ECHDC1: variants seen among roughly 807,000 people sequenced by gnomAD.
ECHDC1 encodes ethylmalonyl-CoA decarboxylase 1.
Under a neutral mutation model 29.7 loss-of-function variants are expected in ECHDC1, and 29 were observed. That is an observed-to-expected ratio of 0.98 (90% CI 0.73 to 1.33). The LOEUF is 1.33. ECHDC1 is among the 40% of genes most tolerant of loss of function. The pLI is 0.00. For synonymous variants in ECHDC1, 126 were observed against 123.1 expected, an observed-to-expected ratio of 1.02 and a Z score of -0.15; for missense variants, 328 against 350.0, an observed-to-expected ratio of 0.94 and a Z score of 0.50.
At chr6:127,336,771 T>C (rs1035670269) in intron 1 of ECHDC1, among the ~76,000 whole-genome samples, 1 of 152,154 alleles carries the variant, frequency 6.6e-6, no homozygotes, top group Non-Finnish European at 1.5e-5. Flanking sequence ...ACAAATAAAA[T>C]GTTACCAATT....
At chr6:127,309,564 A>G (rs1386442780) in intron 5 of ECHDC1, among the ~76,000 whole-genome samples, 1 of 151,710 alleles carries the variant, frequency 6.6e-6, no homozygotes, top group African/African-American at 2.4e-5. Context: ...AGACAAATTT[A>G]AGACCTCAAA....
chr6:127,292,134 A>G (rs767567690), intron 5 of ECHDC1, among the ~76,000 whole-genome samples: 19 of 152,214 alleles, frequency 1.2e-4, no homozygotes, highest in Non-Finnish European at 2.6e-4. Context: ...TCTGAATTGA[A>G]TCCTAGAATT....
intron 3 of ECHDC1, among the ~76,000 whole-genome samples, chr6:127,320,765 A>G (rs1481529542): frequency 1.3e-5 from 2 of 152,142 alleles, no homozygotes; most frequent in African/African-American, 2.4e-5. Context: ...GTGTTATCCT[A>G]GTGGATCTCC....
At chr6:127,321,270 G>T (rs538111403) in intron 3 of ECHDC1, among the ~76,000 whole-genome samples, 1 of 152,156 alleles carries the variant, frequency 6.6e-6, no homozygotes, top group Non-Finnish European at 1.5e-5. Flanking sequence ...GGATAAAGAA[G>T]AGCCTCACTA....
chr6:127,297,921 T>G (rs1264805953), intron 5 of ECHDC1, among the ~76,000 whole-genome samples: 1 of 152,182 alleles, frequency 6.6e-6, no homozygotes, highest in Non-Finnish European at 1.5e-5. Context: ...CCCCCTTGCG[T>G]CCATGCTCCT....
At chr6:127,327,937 TGACTAGTTTTAA>T (rs1255000295) in intron 2 of ECHDC1, among the ~76,000 whole-genome samples, 4 of 152,240 alleles carry the variant, frequency 2.6e-5, no homozygotes, top group Admixed American at 2.6e-4. Flanking sequence ...GTTTTCAACA[TGACTAGTTTTAA>T]TTTCCTCTGC....
chr6:127,291,896 A>C (rs1351676589), intron 5 of ECHDC1, among the ~76,000 whole-genome samples: 2 of 152,130 alleles, frequency 1.3e-5, no homozygotes, highest in African/African-American at 4.8e-5. Flanking sequence ...GCTATGAAAA[A>C]TAATAGTTTT....
At chr6:127,323,848 G>T (rs1783059324) in intron 3 of ECHDC1, among the ~76,000 whole-genome samples, 1 of 152,018 alleles carries the variant, frequency 6.6e-6, no homozygotes, top group Admixed American at 6.6e-5. Context: ...GGGGGAAGGA[G>T]CACTGAATTC....
At chr6:127,314,686 A>G in intron 5 of ECHDC1, 130 bp downstream of exon 5, 2 of 677,294 alleles carry the variant, frequency 3.0e-6, no homozygotes, top group Non-Finnish European at 4.8e-6. Flanking sequence ...GACTGACAAA[A>G]AGAAAACATT....
chr6:127,330,248 A>G (rs1450138145), intron 2 of ECHDC1, among the ~76,000 whole-genome samples: 1 of 152,192 alleles, frequency 6.6e-6, no homozygotes, highest in Non-Finnish European at 1.5e-5. Context: ...AAATTCTTAT[A>G]TGCTAAGAGT....
At chr6:127,314,445 GTC>G in intron 5 of ECHDC1, among the ~76,000 whole-genome samples, 1 of 152,200 alleles carries the variant, frequency 6.6e-6, no homozygotes, top group African/African-American at 2.4e-5. Flanking sequence ...AGCTACAGCA[GTC>G]TCTCTTTCTG....
intron 3 of ECHDC1, chr6:127,326,666 G>C (rs1424465078): frequency 1.1e-5 from 4 of 377,596 alleles, no homozygotes; most frequent in Non-Finnish European, 1.6e-5. Flanking sequence ...GGGCATTTGA[G>C]GGGGCTGGAG....
At chr6:127,322,939 A>G (rs972895449) in intron 3 of ECHDC1, among the ~76,000 whole-genome samples, 4 of 152,150 alleles carry the variant, frequency 2.6e-5, no homozygotes, top group Non-Finnish European at 2.9e-5. Context: ...ACATATATAT[A>G]GGTTGAGCTA....
chr6:127,294,632 G>C (rs994366723), intron 5 of ECHDC1: 1 of 152,064 alleles, frequency 6.6e-6, no homozygotes, highest in Admixed American at 6.6e-5. Flanking sequence ...TGGTTGTGAG[G>C]GGGGGAGCAG....
intron 1 of ECHDC1, chr6:127,342,370 A>T (rs1785028487): frequency 6.5e-7 from 1 of 1,548,072 alleles, no homozygotes; most frequent in Non-Finnish European, 8.7e-7. Flanking sequence ...TTTCAATGCC[A>T]TGCTTCTTCA....
chr6:127,340,217 T>C (rs1039556919), intron 1 of ECHDC1, among the ~76,000 whole-genome samples: 1 of 152,246 alleles, frequency 6.6e-6, no homozygotes, highest in Non-Finnish European at 1.5e-5. Context: ...CTCACAAGAC[T>C]GTTAGGTGTG....
intron 1 of ECHDC1, chr6:127,331,846 A>C (rs1783985810): frequency 2.0e-6 from 2 of 985,240 alleles, no homozygotes; most frequent in Admixed American, 1.2e-4. Context: ...CAAAGCTTTC[A>C]GGCAAAAAGC....
intron 5 of ECHDC1, among the ~76,000 whole-genome samples, chr6:127,303,094 T>G (rs1166011297): frequency 2.0e-5 from 3 of 151,988 alleles, no homozygotes; most frequent in African/African-American, 7.3e-5. Flanking sequence ...GTGACATATT[T>G]TAACTGATGA....
At chr6:127,303,351 T>C (rs1781198075) in intron 5 of ECHDC1, among the ~76,000 whole-genome samples, 2 of 152,068 alleles carry the variant, frequency 1.3e-5, no homozygotes, top group Non-Finnish European at 2.9e-5. Context: ...AACAGGAAAG[T>C]TCTTGAAGGA....
Sources: gnomAD v4.1 joint callset for allele counts (sites outside exome capture counted in the v4.1 genomes callset) on GRCh38, gnomAD v4.1.1 for gene constraint, MANE v1.5 for transcripts, NCBI Gene and HGNC (gene_info 2026-07-23, HGNC 2026-07-21) for gene names.